ABCB10: variants seen among roughly 807,000 people sequenced by gnomAD.
The protein encoded by ABCB10 is ATP binding cassette subfamily B member 10.
ABCB10 carries 54 observed loss-of-function variants against 65.4 expected under a neutral mutation model. The observed-to-expected ratio is 0.83, with a 90% CI of 0.66 to 1.04. ABCB10 has a LOEUF of 1.04. Among genes scored for constraint, ABCB10 ranks in the 50% least tolerant of loss-of-function variants. The pLI is 0.00. For missense variants in ABCB10, 846 were observed against 976.6 expected (o/e 0.87, Z 1.78); for synonymous variants, 418 against 406.5 (o/e 1.03, Z -0.34).
Position 229,530,296 on chromosome 1 carries a change from G to A in ABCB10, c.1548C>T (p.Ser516=). ...EVPIFQDFSL[S]IPSGSVTALV... ...GTGCCGTGACAGATCCTGACGGAATGGAAAGGCTGAAATCCTGAAATATGG... is the reference window on the plus strand; with the variant it reads ...GTGCCGTGACAGATCCTGACGGAATAGAAAGGCTGAAATCCTGAAATATGG... Residue 516 remains serine, a synonymous_variant, in exon 8 of 13, where the codon TCC becomes TCT. Transcript: ENST00000344517. 6.2e-7 allele frequency: 1 copy of A among 1,614,166 alleles called. No homozygotes were observed. The highest frequency in any genetic ancestry group is 1.1e-5 in the South Asian group (1 of 91,090).
At chr1:229,526,195 T>C (rs1387980751) in intron 9 of ABCB10, 79 bp from the exon 10 acceptor site, 2 of 1,384,006 alleles carry the variant, frequency 1.4e-6, no homozygotes, top group Non-Finnish European at 2.0e-6. Context: ...CTAGCAGTCT[T>C]TTTTAAAATT....
rs760362776 is a variant in ABCB10, at chr1:229,547,481, G to A, written c.921+18C>T. ...AAGCCCTGGCAGGAAGGTACCAAGGGGAACCAGGCCCACATACCATCATAC... is the reference window on the plus strand; with the variant it reads ...AAGCCCTGGCAGGAAGGTACCAAGGAGAACCAGGCCCACATACCATCATAC... On this transcript the variant is annotated intron_variant, in intron 3 of 12. Coordinates refer to ENST00000344517, the MANE Select transcript of ABCB10 (RefSeq NM_012089.3). 7 of 1,611,892 alleles carry A rather than the reference G, an allele frequency of 4.3e-6. No individual in the cohort carries two copies. The highest frequency in any genetic ancestry group is 4.2e-6 in the Non-Finnish European group (5 of 1,179,752).
chr1:229,528,614 T>C (rs770371996), intron 8 of ABCB10, among the ~76,000 whole-genome samples: 4 of 152,220 alleles, frequency 2.6e-5, no homozygotes, highest in African/African-American at 7.2e-5. Context: ...TTATCTGACA[T>C]GTAACCAGCT....
intron 11 of ABCB10, 137 bp downstream of exon 11, chr1:229,521,455 G>C (rs1225207208): frequency 3.8e-5 from 36 of 952,260 alleles, no homozygotes; most frequent in Non-Finnish European, 5.7e-5. Flanking sequence ...CACCAGAACT[G>C]TCACCCTCCC....
At chr1:229,524,971 A>G (rs961925802) in intron 10 of ABCB10, among the ~76,000 whole-genome samples, 4 of 152,028 alleles carry the variant, frequency 2.6e-5, no homozygotes, top group African/African-American at 9.7e-5. Flanking sequence ...CTCATGCCTC[A>G]GCCTCCCGAG....
intron 4 of ABCB10, among the ~76,000 whole-genome samples, chr1:229,541,945 T>C (rs1366228522): frequency 6.7e-6 from 1 of 148,834 alleles, no homozygotes; most frequent in Admixed American, 6.7e-5. Context: ...CTCATGTACC[T>C]TGTCTCAAAA....
intron 1 of ABCB10, among the ~76,000 whole-genome samples, chr1:229,553,301 G>A (rs549389338): frequency 8.3e-4 from 126 of 152,108 alleles, no homozygotes; most frequent in African/African-American, 2.7e-3. Context: ...GTAGAGATGA[G>A]GTTTCTCCAT....
chr1:229,558,411 C>T lies in ABCB10; in HGVS notation c.242G>A (p.Arg81Gln). The T allele has an allele frequency of 8.3e-7, 1 of 1,201,860 alleles. No homozygotes were observed. Among genetic ancestry groups the T allele is most frequent in the Non-Finnish European group, 1.0e-6 (1 of 970,676 alleles). The allele number at this position is 1,201,860 out of a possible 1,614,324, so 74.4% of individuals were successfully genotyped here. The change falls in exon 1 of 13, where the codon CGG becomes CAG. Residue 81 changes from arginine (R) to glutamine (Q), a missense_variant. By Grantham distance (43) the Arg-to-Gln change is conservative (BLOSUM62 1). Transcript: ENST00000344517. The part of the protein sequence containing the change: ...GCRGGGPGAS[R>Q]GVLGLARLLG... ...GAGCCGCGCGAGGCCCAGGACGCCC[C>T]GCGAGGCGCCCGGACCCCCGCCCCG...
intron 6 of ABCB10, among the ~76,000 whole-genome samples, chr1:229,537,462 G>A (rs1157734369): frequency 1.3e-5 from 2 of 152,222 alleles, no homozygotes; most frequent in African/African-American, 4.8e-5. Context: ...TTTAGACAGC[G>A]ATTCTATAAA....
At position 229,558,322 on chromosome 1, in the gene ABCB10, G is replaced by A. The variant is rs1172964068; in HGVS notation, c.331C>T (p.Pro111Ser). 6 of 1,247,826 alleles carry A rather than the reference G, an allele frequency of 4.8e-6. No homozygotes were observed. The highest frequency in any genetic ancestry group is 6.7e-5 in the Admixed American group (2 of 29,876). The allele number at this position is 1,247,826 out of a possible 1,614,324, so 77.3% of individuals were successfully genotyped here. A position where few individuals can be genotyped will look rare whatever the true frequency, so the allele number is the denominator to read the frequency against. Reference protein sequence around the residue: ...RCGAFAGPGAPRLPRARFPGG... With the variant: ...RCGAFAGPGASRLPRARFPGG... ...GGGAACCGGGCGCGCGGGAGCCGAGGAGCGCCTGGCCCGGCAAAAGCCCCG... is the reference window on the plus strand; with the variant it reads ...GGGAACCGGGCGCGCGGGAGCCGAGAAGCGCCTGGCCCGGCAAAAGCCCCG... The change falls in exon 1 of 13, where the codon CCT becomes TCT. Residue 111 changes from proline to serine, a missense_variant. Pro to Ser is a moderately conservative substitution (Grantham distance 74). Transcript: ENST00000344517.
chr1:229,542,511 G>T, intron 3 of ABCB10, 140 bp from the exon 4 acceptor site: 1 of 1,041,752 alleles, frequency 9.6e-7, no homozygotes, highest in Non-Finnish European at 1.3e-6. Context: ...TGAAGGTACT[G>T]TCCCCAAGTT....
chr1:229,546,542 T>C (rs1482068850), intron 3 of ABCB10, among the ~76,000 whole-genome samples: 1 of 152,166 alleles, frequency 6.6e-6, no homozygotes, highest in Admixed American at 6.5e-5. Context: ...GAGATGACAA[T>C]ATTTTGTTTA....
intron 6 of ABCB10, among the ~76,000 whole-genome samples, chr1:229,538,096 G>A (rs1251565073): frequency 3.3e-5 from 5 of 152,198 alleles, no homozygotes; most frequent in Admixed American, 1.3e-4. Flanking sequence ...ATCTCTGCAC[G>A]CAGACAAAGC....
chr1:229,530,608 G>C (rs1308821624), intron 7 of ABCB10, among the ~76,000 whole-genome samples, 200 bp from the exon 8 acceptor site: 5 of 152,094 alleles, frequency 3.3e-5, no homozygotes, highest in Admixed American at 6.5e-5. Context: ...CTATGTCCAA[G>C]GTACTATATA....
rs575826331 is a variant in ABCB10, at chr1:229,521,456, TC to T, written c.1950+135del. Reference sequence around the variant, plus strand: ...ACTAACTTACCTTTCACCAGAACTGTCACCCTCCCACTCCAAGAAAAAAAAA... The same window carrying T: ...ACTAACTTACCTTTCACCAGAACTGTACCCTCCCACTCCAAGAAAAAAAAA... On this transcript the variant is annotated intron_variant, in intron 11 of 12. Transcript: ENST00000344517. The T allele has an allele frequency of 2.3e-3, 2,204 of 956,868 alleles. 24 individuals are homozygous for T. The highest frequency in any genetic ancestry group is 0.017 in the South Asian group (1,003 of 60,610). The allele number at this position is 956,868 out of a possible 1,614,324, so 59.3% of individuals were successfully genotyped here.
chr1:229,531,778 G>T, intron 6 of ABCB10, 47 bp from the exon 7 acceptor site: 1 of 1,466,262 alleles, frequency 6.8e-7, no homozygotes, highest in Non-Finnish European at 9.5e-7. Context: ...CACTGGCACT[G>T]GCACTGGCCA....
At chr1:229,540,893 T>G in intron 4 of ABCB10, 141 bp from the exon 5 acceptor site, 1 of 985,246 alleles carries the variant, frequency 1.0e-6, no homozygotes, top group Non-Finnish European at 1.4e-6. Context: ...AAGTGAGAAC[T>G]CCACAAAAGA....
intron 6 of ABCB10, among the ~76,000 whole-genome samples, chr1:229,532,109 G>C (rs1289551409): frequency 1.3e-5 from 2 of 151,838 alleles, no homozygotes; most frequent in African/African-American, 4.8e-5. Flanking sequence ...CAAGCCACCA[G>C]GCCTGGCTAA....
Position 229,517,997 on chromosome 1 carries a change from C to T in ABCB10, c.*182G>A, listed in dbSNP as rs1350543153. The T allele has an allele frequency of 3.1e-5, 18 of 583,958 alleles. No homozygotes were observed. Among genetic ancestry groups the T allele is most frequent in the Non-Finnish European group, 5.4e-5 (18 of 330,442 alleles). 36.2% of individuals were successfully genotyped at this position (583,958 alleles called of 1,614,324 possible). A position where few individuals can be genotyped will look rare whatever the true frequency, so the allele number is the denominator to read the frequency against. On this transcript the variant is annotated 3_prime_UTR_variant, in exon 13 of 13. Transcript: ENST00000344517. Reference sequence around the variant, plus strand: ...ATTTAAAAAGTTACAATTATTAAAACTCTGAATAAAAAGATCTTGAGAACA... The same window carrying T: ...ATTTAAAAAGTTACAATTATTAAAATTCTGAATAAAAAGATCTTGAGAACA...
Sources: allele counts gnomAD v4.1 joint callset (sites outside exome capture counted in the v4.1 genomes callset), GRCh38; gene constraint gnomAD v4.1.1; transcripts MANE v1.5; gene names NCBI Gene and HGNC (gene_info 2026-07-23, HGNC 2026-07-21).